Variants in LRP1B observed in about 807,000 individuals in gnomAD.
LRP1B encodes LDL receptor related protein 1B, also known as low-density lipoprotein receptor-related protein 1B.
A neutral mutation model predicts 556.6 loss-of-function variants in LRP1B; 217 were observed. The ratio of observed to expected loss-of-function variants is 0.39; its 90% confidence interval spans 0.35 to 0.44. LRP1B has a LOEUF of 0.44. Ranked by LOEUF, LRP1B falls within the 20% of genes least tolerant of loss-of-function variation. The pLI, the probability that LRP1B is intolerant of heterozygous loss-of-function variation, is 1.00. For synonymous variants in LRP1B, 2,047 were observed against 1,865.8 expected (o/e 1.10, Z -2.50); for missense variants, 5,053 against 5,620.8 (o/e 0.90, Z 3.23).
intron 21 of LRP1B, among the ~76,000 whole-genome samples, chr2:140,912,069 C>G (rs561016731): frequency 5.3e-5 from 8 of 151,592 alleles, no homozygotes; most frequent in Admixed American, 3.3e-4. Context: ...TAAATAGCCC[C>G]CCTCTTCCTA....
chr2:141,381,119 T>C (rs887088711), intron 3 of LRP1B, among the ~76,000 whole-genome samples: 3 of 151,936 alleles, frequency 2.0e-5, no homozygotes, highest in Non-Finnish European at 4.4e-5. Flanking sequence ...ATTTGTCCTA[T>C]AGATAACAAA....
At chr2:140,712,644 T>C (rs543768973) in intron 37 of LRP1B, among the ~76,000 whole-genome samples, 14 of 152,140 alleles carry the variant, frequency 9.2e-5, no homozygotes, top group Admixed American at 2.6e-4. Context: ...CTTCTATTTC[T>C]CCTCTTTCCC....
At chr2:140,986,392 G>T (rs1309325929) in intron 17 of LRP1B, among the ~76,000 whole-genome samples, 4 of 152,054 alleles carry the variant, frequency 2.6e-5, no homozygotes, top group Middle Eastern at 3.2e-3. Context: ...AAAGTTGAAG[G>T]TATGCACATC....
intron 27 of LRP1B, among the ~76,000 whole-genome samples, chr2:140,864,722 A>T (rs1692897679): frequency 6.6e-6 from 1 of 152,038 alleles, no homozygotes; most frequent in South Asian, 2.1e-4. Context: ...ATATAGTTAG[A>T]TTAGATGGCT....
chr2:141,976,828 C>T (rs1701900750), intron 1 of LRP1B, among the ~76,000 whole-genome samples: 2 of 151,606 alleles, frequency 1.3e-5, no homozygotes, highest in African/African-American at 4.8e-5. Flanking sequence ...CCTGGGGGTA[C>T]TAGTTAGCAT....
chr2:141,522,805 A>G (rs535979536), intron 2 of LRP1B, among the ~76,000 whole-genome samples: 2 of 152,298 alleles, frequency 1.3e-5, no homozygotes, highest in African/African-American at 4.8e-5. Flanking sequence ...TGCCCTCTGC[A>G]AGCTGCTATT....
At chr2:140,455,435 C>CCCATTTAAATATT (rs1687057701) in intron 62 of LRP1B, among the ~76,000 whole-genome samples, 1 of 152,070 alleles carries the variant, frequency 6.6e-6, no homozygotes, top group Non-Finnish European at 1.5e-5. Context: ...CTGTATATGG[C>CCCATTTAAATATT]ATAGAAATAT....
At chr2:141,395,317 A>G (rs2104913335) in intron 3 of LRP1B, among the ~76,000 whole-genome samples, 1 of 152,152 alleles carries the variant, frequency 6.6e-6, no homozygotes, top group Non-Finnish European at 1.5e-5. Context: ...GTTATACTAT[A>G]ATTTTATTGT....
intron 49 of LRP1B, among the ~76,000 whole-genome samples, chr2:140,523,512 C>T (rs1372020796): frequency 2.0e-5 from 3 of 151,670 alleles, no homozygotes; most frequent in Non-Finnish European, 4.4e-5. Context: ...TCCTTTTCAA[C>T]ATAGTATAGG....
intron 51 of LRP1B, among the ~76,000 whole-genome samples, chr2:140,511,266 G>A (rs12615271): frequency 0.25 from 35,048 of 142,262 alleles, 5,042 homozygotes; most frequent in East Asian, 0.49. Context: ...AAGCAGTGGG[G>A]TATCAAAATA....
rs1466691109 is a variant in LRP1B at position 141,559,207 on chromosome 2, T to C, written c.206-78674A>G. ...TTTCATTTCTTAAATTTAAAATTTT[T>C]TACTTGTTTTAGGAATGGTGAATAT... On this transcript the variant is annotated intron_variant, in intron 2 of 90. Coordinates refer to ENST00000389484, the MANE Select transcript of LRP1B (RefSeq NM_018557.3). Among the ~76,000 whole-genome samples, 4 of 151,848 alleles carry C rather than the reference T, an allele frequency of 2.6e-5. No homozygotes were observed. In the East Asian group the frequency reaches 7.7e-4, roughly 29 times the overall value.
intron 7 of LRP1B, among the ~76,000 whole-genome samples, chr2:141,157,015 C>A (rs1702083812): frequency 6.6e-6 from 1 of 151,944 alleles, no homozygotes; most frequent in Non-Finnish European, 1.5e-5. Context: ...GAGATATCTG[C>A]AAATGGAAAG....
At chr2:141,778,135 T>C (rs1695136739) in intron 2 of LRP1B, among the ~76,000 whole-genome samples, 1 of 152,144 alleles carries the variant, frequency 6.6e-6, no homozygotes, top group Non-Finnish European at 1.5e-5. Context: ...TGTATTTAAG[T>C]TTGCTGTTAT....
At chr2:141,639,977 C>G (rs1319051836) in intron 2 of LRP1B, among the ~76,000 whole-genome samples, 2 of 152,186 alleles carry the variant, frequency 1.3e-5, no homozygotes, top group Non-Finnish European at 2.9e-5. Flanking sequence ...AAGCCTGGAA[C>G]TCATGTTAAA....
Position 141,837,270 on chromosome 2 carries a change from C to T in LRP1B, c.83-26869G>A, listed in dbSNP as rs72993061. On this transcript the variant is annotated intron_variant, in intron 1 of 90. Coordinates refer to ENST00000389484, the MANE Select transcript of LRP1B (RefSeq NM_018557.3). ...AAGGGGTTTTTATAAAAGTTGCCAT[C>T]GAAGGGTAAGACATTAAAATTCACA... Among the ~76,000 whole-genome samples the T allele has an allele frequency of 5.6e-3, 845 of 152,004 alleles. 6 individuals are homozygous for T. Among genetic ancestry groups the T allele is most frequent in the African/African-American group, 0.019 (794 of 41,524 alleles).
chr2:140,350,689 A>C, intron 77 of LRP1B, 108 bp downstream of exon 77: 1 of 901,770 alleles, frequency 1.1e-6, no homozygotes, highest in Non-Finnish European at 1.6e-6. Context: ...TGGGAGAATA[A>C]TTGAATATAT....
intron 43 of LRP1B, among the ~76,000 whole-genome samples, chr2:140,569,206 AT>A (rs1004844329): frequency 6.6e-6 from 1 of 152,004 alleles, no homozygotes; most frequent in African/African-American, 2.4e-5. Flanking sequence ...CAACAGGAGT[AT>A]ATCCTATTAA....
Position 141,643,917 on chromosome 2 carries a change from T to C in LRP1B, c.206-163384A>G, listed in dbSNP as rs1231248730. The stretch of plus-strand genomic sequence containing the variant: ...GACCTTATAGGGCTGCTGCAAGGAT[T>C]AGAATAGGTTTAGAACATCAAATAT... On this transcript the variant is annotated intron_variant, in intron 2 of 90. Transcript: ENST00000389484. Among the ~76,000 whole-genome samples, 4 of 151,950 alleles carry C rather than the reference T, an allele frequency of 2.6e-5. No individual in the cohort carries two copies. The East Asian group carries it at 7.8e-4, about 29-fold the overall frequency.
chr2:140,560,814 A>G lies in LRP1B; in HGVS notation c.7195-18843T>C, dbSNP rs572619786. The stretch of plus-strand genomic sequence containing the variant: ...ATGAAAAGAAACCAAAATAGCTCAC[A>G]CATTATACTTACTTAATTTTTGACA... On this transcript the variant is annotated intron_variant, in intron 43 of 90. Transcript: ENST00000389484. 2.1e-3 allele frequency among the ~76,000 whole-genome samples: 323 copies of G among 152,324 alleles called. 1 individual carries two copies. The highest frequency in any genetic ancestry group is 7.4e-3 in the African/African-American group (307 of 41,576).
Sources: allele counts gnomAD v4.1 joint callset (sites outside exome capture counted in the v4.1 genomes callset), GRCh38; gene constraint gnomAD v4.1.1; transcripts MANE v1.5; gene names NCBI Gene and HGNC (gene_info 2026-07-23, HGNC 2026-07-21).